The following ATF6 variants were observed in gnomAD, a reference collection of about 807,000 sequenced individuals.
ATF6 encodes activating transcription factor 6.
In ATF6, 53 loss-of-function variants were observed where a neutral mutation model predicts 83.6. The observed-to-expected ratio is 0.63, with a 90% CI of 0.51 to 0.80. ATF6 has a LOEUF of 0.80. Ranked by LOEUF, ATF6 falls within the 30% of genes least tolerant of loss-of-function variation. The pLI is 0.00. For synonymous variants in ATF6, 288 were observed against 285.8 expected (o/e 1.01, Z -0.08); for missense variants, 744 against 797.9 (o/e 0.93, Z 0.81).
At chr1:161,828,138 A>G (rs897456374) in intron 9 of ATF6, among the ~76,000 whole-genome samples, 1 of 151,982 alleles carries the variant, frequency 6.6e-6, no homozygotes, top group Non-Finnish European at 1.5e-5. Context: ...TTAAATTATC[A>G]CTACAGACTC....
At chr1:161,804,579 C>T (rs1398078173) in intron 7 of ATF6, among the ~76,000 whole-genome samples, 1 of 152,030 alleles carries the variant, frequency 6.6e-6, no homozygotes, top group Non-Finnish European at 1.5e-5. Flanking sequence ...GAAGAGTTAT[C>T]TGGAACAGGT....
chr1:161,933,167 A>T (rs1343259366), intron 15 of ATF6, among the ~76,000 whole-genome samples: 1 of 152,218 alleles, frequency 6.6e-6, no homozygotes, highest in East Asian at 1.9e-4. Context: ...GGGCCATCTT[A>T]GAGGCTGCCT....
intron 6 of ATF6, among the ~76,000 whole-genome samples, chr1:161,799,361 T>A (rs1049496402): frequency 3.3e-5 from 5 of 152,044 alleles, no homozygotes; most frequent in African/African-American, 1.2e-4. Flanking sequence ...TTCTGTCTTA[T>A]AAGTGGGAGT....
intron 15 of ATF6, among the ~76,000 whole-genome samples, chr1:161,919,655 C>T (rs987921323): frequency 3.3e-5 from 5 of 152,116 alleles, no homozygotes; most frequent in African/African-American, 4.8e-5. Flanking sequence ...TACTGTTTCC[C>T]TTCCCTTCTG....
intron 9 of ATF6, among the ~76,000 whole-genome samples, chr1:161,842,783 C>A (rs1051585087): frequency 1.3e-5 from 2 of 152,090 alleles, no homozygotes; most frequent in Non-Finnish European, 2.9e-5. Flanking sequence ...AATTATTAAT[C>A]CAGTTTTTGG....
chr1:161,919,101 G>T (rs541374579), intron 15 of ATF6, among the ~76,000 whole-genome samples: 27 of 152,190 alleles, frequency 1.8e-4, no homozygotes, highest in African/African-American at 6.3e-4. Context: ...TTTTATTTTT[G>T]TAATTTATTG....
At chr1:161,820,057 T>C (rs1304594072) in intron 8 of ATF6, among the ~76,000 whole-genome samples, 1 of 152,228 alleles carries the variant, frequency 6.6e-6, no homozygotes, top group Non-Finnish European at 1.5e-5. Flanking sequence ...TCCTCATTCA[T>C]TGCCTTAGCA....
intron 14 of ATF6, chr1:161,891,498 A>T (rs1687554814): frequency 6.6e-6 from 1 of 152,230 alleles, no homozygotes; most frequent in Non-Finnish European, 1.5e-5. Flanking sequence ...CAAGATAGTG[A>T]AGTACCCCCA....
intron 1 of ATF6, among the ~76,000 whole-genome samples, chr1:161,778,002 A>G (rs1489806168): frequency 1.3e-5 from 2 of 152,240 alleles, no homozygotes; most frequent in Non-Finnish European, 2.9e-5. Flanking sequence ...TACATGACAT[A>G]TGACATAAAA....
rs764142241 is a variant in ATF6 at position 161,791,538 on chromosome 1, G to T, written c.484+1G>T. 16 of 1,599,480 alleles carry T rather than the reference G, an allele frequency of 1.0e-5. No homozygotes were observed. The highest frequency in any genetic ancestry group is 1.4e-5 in the Non-Finnish European group (16 of 1,176,690). On this transcript the variant is annotated splice_donor_variant, in intron 5 of 15. Coordinates refer to ENST00000367942, the MANE Select transcript of ATF6 (RefSeq NM_007348.4). LOFTEE classifies it high-confidence loss of function. ...GTCACTGGTCCTAGGAACAAGACTG[G>T]TATTACTCTATCTCCTAACTTCTGT... is the stretch of plus-strand genomic sequence containing the variant.
At chr1:161,783,872 G>T in intron 3 of ATF6, 118 bp from the exon 4 acceptor site, 62 of 636,822 alleles carry the variant, frequency 9.7e-5, no homozygotes, top group South Asian at 3.0e-4. Flanking sequence ...TTATATTTTG[G>T]TGACCTTAGC....
At chr1:161,801,097 A>G (rs557521109) in intron 6 of ATF6, among the ~76,000 whole-genome samples, 28 of 152,248 alleles carry the variant, frequency 1.8e-4, no homozygotes, top group African/African-American at 6.5e-4. Context: ...TCAGCACTCA[A>G]AAAGTTTTGG....
chr1:161,796,915 G>A (rs1254153327), intron 6 of ATF6, among the ~76,000 whole-genome samples: 1 of 143,008 alleles, frequency 7.0e-6, no homozygotes, highest in East Asian at 2.2e-4. Context: ...GGGAATTCTT[G>A]TTTTTTGGTT....
intron 15 of ATF6, among the ~76,000 whole-genome samples, chr1:161,916,369 A>C (rs1330926845): frequency 1.3e-5 from 2 of 152,202 alleles, no homozygotes; most frequent in Non-Finnish European, 2.9e-5. Context: ...ACATTTTTCT[A>C]TATTTGTTTT....
chr1:161,864,993 CAAAT>C (rs1275466088), intron 14 of ATF6, among the ~76,000 whole-genome samples: 2 of 152,018 alleles, frequency 1.3e-5, no homozygotes, highest in Admixed American at 6.5e-5. Context: ...TTTTAACACT[CAAAT>C]AGACAGTTTT....
In ATF6 at chr1:161,807,863, A is replaced by AT. The variant is rs1557971141; in HGVS notation, c.909+5592dup. ...TACTTTTTGTACTTTTTAGTTTGTCATCTTTTTTTTTTTTTTTTTTTTTTT... is the reference window on the plus strand; with the variant it reads ...TACTTTTTGTACTTTTTAGTTTGTCATTCTTTTTTTTTTTTTTTTTTTTTTT... On this transcript the variant is annotated intron_variant, in intron 7 of 15. Coordinates refer to ENST00000367942, the MANE Select transcript of ATF6 (RefSeq NM_007348.4). Among the ~76,000 whole-genome samples the AT allele has an allele frequency of 3.6e-4, 20 of 54,796 alleles. 2 individuals carry two copies. The highest frequency in any genetic ancestry group is 1.6e-3 in the African/African-American group (20 of 12,236). 35.9% of individuals were successfully genotyped at this position (54,796 alleles called of 152,430 possible).
chr1:161,790,611 A>G (rs1026518275), intron 4 of ATF6, among the ~76,000 whole-genome samples: 7 of 152,092 alleles, frequency 4.6e-5, no homozygotes, highest in South Asian at 4.1e-4. Context: ...GGAGTTTTAG[A>G]GCAGCCCAGC....
chr1:161,942,911 A>G (rs1688677322), intron 15 of ATF6, among the ~76,000 whole-genome samples: 1 of 152,158 alleles, frequency 6.6e-6, no homozygotes, highest in African/African-American at 2.4e-5. Context: ...GCTGGAGTGC[A>G]GTGGCGCAAT....
chr1:161,931,439 C>T (rs546650970), intron 15 of ATF6, among the ~76,000 whole-genome samples: 1 of 152,234 alleles, frequency 6.6e-6, no homozygotes, highest in South Asian at 2.1e-4. Flanking sequence ...ATATTTAAAC[C>T]TTGCAAGCCT....
Sources: gnomAD v4.1 joint callset for allele counts (sites outside exome capture counted in the v4.1 genomes callset) on GRCh38, gnomAD v4.1.1 for gene constraint, MANE v1.5 for transcripts, NCBI Gene and HGNC (gene_info 2026-07-23, HGNC 2026-07-21) for gene names.